Variants in LRP5 observed in about 807,000 individuals in gnomAD.
LRP5 encodes the protein LDL receptor related protein 5, also known as low-density lipoprotein receptor-related protein 5.
In LRP5, 62 loss-of-function variants were observed where a neutral mutation model predicts 154.1. That is an observed-to-expected ratio of 0.40 (90% CI 0.33 to 0.50). The LOEUF (loss-of-function observed/expected upper bound fraction) is 0.50. Among genes scored for constraint, LRP5 ranks in the 20% least tolerant of loss-of-function variants. The pLI is 0.55. For synonymous variants in LRP5, 966 were observed against 1,011.5 expected, an observed-to-expected ratio of 0.96 and a Z score of 0.85; for missense variants, 1,915 against 2,336.7, an observed-to-expected ratio of 0.82 and a Z score of 3.72.
At chr11:68,354,374 T>G (rs2098621314) in intron 2 of LRP5, among the ~76,000 whole-genome samples, 1 of 152,202 alleles carries the variant, frequency 6.6e-6, no homozygotes. Context: ...GAATGTGAAT[T>G]ATGCTCCATG....
intron 13 of LRP5, among the ~76,000 whole-genome samples, chr11:68,417,931 A>G (rs2098663491): frequency 6.6e-6 from 1 of 151,806 alleles, no homozygotes; most frequent in East Asian, 2.0e-4. Context: ...GCAAAACTCC[A>G]TCTCAAAAAA....
intron 2 of LRP5, among the ~76,000 whole-genome samples, chr11:68,355,455 A>G (rs2098622441): frequency 6.6e-6 from 1 of 152,176 alleles, no homozygotes; most frequent in African/African-American, 2.4e-5. Flanking sequence ...AGGGTGGACA[A>G]AACACAATAG....
chr11:68,444,327 C>T (rs978488737), intron 21 of LRP5, among the ~76,000 whole-genome samples: 191 of 152,050 alleles, frequency 1.3e-3, no homozygotes, highest in Non-Finnish European at 2.2e-3. Context: ...CCAGCCTGGC[C>T]AACATAGTGA....
the LRP5 span, among the ~76,000 whole-genome samples, chr11:68,300,264 G>A: frequency 1.3e-5 from 2 of 149,140 alleles, no homozygotes; most frequent in Non-Finnish European, 3.0e-5. Context: ...CCGAGGATGA[G>A]TGAGCTGGAG....
chr11:68,410,195 G>A (rs1490860040), intron 10 of LRP5, 55 bp downstream of exon 10: 14 of 1,464,976 alleles, frequency 9.6e-6, no homozygotes, highest in East Asian at 2.4e-5. Context: ...GAGACAGTGC[G>A]GGGGTGCCAA....
At chr11:68,374,867 AGCGGG>A (rs2098636464) in intron 5 of LRP5, among the ~76,000 whole-genome samples, 1 of 152,190 alleles carries the variant, frequency 6.6e-6, no homozygotes, top group Non-Finnish European at 1.5e-5. Context: ...GTCACCGTGG[AGCGGG>A]GGCACAGGGG....
chr11:68,384,611 G>C (rs1024150625), intron 5 of LRP5, among the ~76,000 whole-genome samples: 3 of 152,192 alleles, frequency 2.0e-5, no homozygotes, highest in African/African-American at 7.2e-5. Context: ...CCCCAAGTCT[G>C]CATGGGTCTC....
At chr11:68,448,384 G>A (rs762584809) in intron 22 of LRP5, among the ~76,000 whole-genome samples, 31 of 152,292 alleles carry the variant, frequency 2.0e-4, no homozygotes, top group Admixed American at 4.6e-4. Flanking sequence ...CTGTTTTGTC[G>A]GACACTGTTT....
At chr11:68,312,064 G>A (rs1309431760), upstream of LRP5, among the ~76,000 whole-genome samples, 1 of 152,226 alleles carries the variant, frequency 6.6e-6, no homozygotes, top group African/African-American at 2.4e-5. Flanking sequence ...TGTCTGTTTC[G>A]CAGTCTTCGT....
chr11:68,380,215 C>T (rs1452805658), intron 5 of LRP5, among the ~76,000 whole-genome samples: 1 of 152,216 alleles, frequency 6.6e-6, no homozygotes, highest in African/African-American at 2.4e-5. Context: ...TGGGACAGGC[C>T]ATGAGCTCGG....
chr11:68,366,129 G>T (rs1346296523), intron 5 of LRP5, among the ~76,000 whole-genome samples: 1 of 152,146 alleles, frequency 6.6e-6, no homozygotes, highest in African/African-American at 2.4e-5. Context: ...ATGCTCCCGG[G>T]CCTGGGATAG....
chr11:68,438,948 T>C (rs1053694536), intron 20 of LRP5, among the ~76,000 whole-genome samples: 1 of 152,192 alleles, frequency 6.6e-6, no homozygotes, highest in African/African-American at 2.4e-5. Flanking sequence ...CATATTCTAG[T>C]AGGACATGTG....
intron 12 of LRP5, among the ~76,000 whole-genome samples, chr11:68,414,746 CGCAGACCTGGTCGCAG>C (rs1357671235): frequency 3.0e-4 from 46 of 152,348 alleles, no homozygotes; most frequent in African/African-American, 1.1e-3. Flanking sequence ...TGGAGTCTCA[CGCAGACCTGGTCGCAG>C]GCGGGGCTGG....
chr11:68,425,398 C>G, intron 15 of LRP5, 106 bp downstream of exon 15: 1 of 1,190,252 alleles, frequency 8.4e-7, no homozygotes, highest in Non-Finnish European at 1.2e-6. Context: ...CAGTGCCGCG[C>G]CAGGGGCTTT....
chr11:68,422,031 G>C (rs578049590), intron 13 of LRP5, among the ~76,000 whole-genome samples: 104 of 152,070 alleles, frequency 6.8e-4, no homozygotes, highest in Non-Finnish European at 1.4e-3. Context: ...AGGCTGAAGC[G>C]ATCCTCCCAC....
chr11:68,438,805 C>A, intron 20 of LRP5, 123 bp downstream of exon 20: 2 of 812,084 alleles, frequency 2.5e-6, no homozygotes, highest in Non-Finnish European at 2.0e-6. Context: ...CATTGCTAAT[C>A]GATCACAGCA....
the LRP5 span, among the ~76,000 whole-genome samples, chr11:68,304,649 T>C: frequency 1.3e-5 from 2 of 152,248 alleles, no homozygotes; most frequent in Non-Finnish European, 2.9e-5. Context: ...GACTGAATTC[T>C]GCAAAGCCGC....
chr11:68,306,892 G>A, the LRP5 span, among the ~76,000 whole-genome samples: 662 of 152,312 alleles, frequency 4.3e-3, 17 homozygotes, highest in East Asian at 0.063. Context: ...GGAGAGAAGT[G>A]GAGGGTGACA....
At position 68,448,787 on chromosome 11, in the gene LRP5, CCT is replaced by C. The variant is rs1565126977; in HGVS notation, c.4587-19_4587-18del. 1 of 1,601,730 alleles carries C rather than the reference CCT, an allele frequency of 6.2e-7. No homozygotes were observed. On this transcript the variant is annotated intron_variant, in intron 22 of 22. Coordinates refer to ENST00000294304, the MANE Select transcript of LRP5 (RefSeq NM_002335.4). Reference sequence around the variant, plus strand: ...GCGGATGTGCCTACCGAATCCCACTCCTCTGTGTGTGTCCCTTTCAGGCCCTA... The same window carrying C: ...GCGGATGTGCCTACCGAATCCCACTCCTGTGTGTGTCCCTTTCAGGCCCTA...
Sources: allele counts gnomAD v4.1 joint callset (sites outside exome capture counted in the v4.1 genomes callset), GRCh38; gene constraint gnomAD v4.1.1; transcripts MANE v1.5; gene names NCBI Gene and HGNC (gene_info 2026-07-23, HGNC 2026-07-21).